The following EMILIN3 variants were observed in gnomAD, a reference collection of about 807,000 sequenced individuals.
EMILIN3 encodes the protein EMILIN-3.
EMILIN3 carries 38 observed loss-of-function variants against 42.8 expected under a neutral mutation model. That is an observed-to-expected ratio of 0.89 (90% CI 0.69 to 1.16). The LOEUF is 1.16. Ranked by LOEUF, EMILIN3 falls within the 50% of genes most tolerant of loss-of-function variation. The probability of loss-of-function intolerance (pLI) is 0.00; values close to 1 mark genes in which losing one functional copy is unlikely to be tolerated. For synonymous variants in EMILIN3, 430 were observed against 440.5 expected (o/e 0.98, Z 0.30); for missense variants, 924 against 999.5 (o/e 0.92, Z 1.02).
rs1484100764 is a variant in EMILIN3 at position 41,362,051 on chromosome 20, C to G, written c.1518G>C (p.Glu506Asp). 1 of 1,610,870 alleles carries G rather than the reference C, an allele frequency of 6.2e-7. No homozygotes were observed. The highest frequency in any genetic ancestry group is 8.5e-7 in the Non-Finnish European group (1 of 1,177,414). The change falls in exon 4 of 4, where the codon GAG becomes GAC. Residue 506 changes from glutamate to aspartate, a missense_variant. Transcript: ENST00000332312. ...CCAACCGTTGCTCTAGCACAGCCAGCTCTGTCTGTACAAGGGGCCGAGCTG... is the reference window on the plus strand; with the variant it reads ...CCAACCGTTGCTCTAGCACAGCCAGGTCTGTCTGTACAAGGGGCCGAGCTG... ...GRSARPLVQT[E>D]LAVLEQRLVS...
chr20:41,362,902 G>A lies in EMILIN3; in HGVS notation c.667C>T (p.Pro223Ser). The A allele has an allele frequency of 6.2e-7, 1 of 1,613,628 alleles. No homozygotes were observed. The highest frequency in any genetic ancestry group is 8.5e-7 in the Non-Finnish European group (1 of 1,179,774). Residue 223 changes from proline (P) to serine (S), a missense_variant, in exon 4 of 4, where the codon CCT becomes TCT. Transcript: ENST00000332312. ...TCAGGGATGACCCCAAAGCCCACAG[G>A]GACAGCAGGAGCCCTGGGGCCACCA... ...MTGGPRAPAV[P>S]VGFGVIPEGL...
At chr20:41,363,153 T>C in intron 3 of EMILIN3, 99 bp from the exon 4 acceptor site, 1 of 1,201,252 alleles carries the variant, frequency 8.3e-7, no homozygotes, top group Non-Finnish European at 1.1e-6. Flanking sequence ...CTTTTTTTTT[T>C]TTTTTGAGAC....
chr20:41,365,052 C>G lies in EMILIN3; in HGVS notation c.273G>C (p.Lys91Asn). The G allele has an allele frequency of 1.2e-6, 2 of 1,613,960 alleles. No homozygotes were observed. The highest frequency in any genetic ancestry group is 1.7e-6 in the Non-Finnish European group (2 of 1,179,922). ...GCACTTACGTGACTGTCCCGGGGCA[C>G]TTGGGCCCCCATCTACACTGCCGGT... is the stretch of plus-strand genomic sequence containing the variant. ...AEYRQCRWGPKCPGTVTYRTV... is the reference protein window; with the variant it reads ...AEYRQCRWGPNCPGTVTYRTV... Residue 91 changes from lysine (K) to asparagine (N), a missense_variant, in exon 2 of 4, where the codon AAG becomes AAC. Transcript: ENST00000332312.
chr20:41,360,380 C>T lies in EMILIN3; in HGVS notation c.*888G>A, dbSNP rs2046345137. On this transcript the variant is annotated 3_prime_UTR_variant, in exon 4 of 4. Transcript: ENST00000332312. ...CCCTGACCTCGCAGGAAGGATTTCC[C>T]CACCCCCAAGTGGAAGGAAGAGGAC... The T allele has an allele frequency of 6.6e-6, 1 of 152,306 alleles. No individual in the cohort carries two copies. The highest frequency in any genetic ancestry group is 6.5e-5 in the Admixed American group (1 of 15,274). The allele number at this position is 152,306 out of a possible 1,614,324, so 9.4% of individuals were successfully genotyped here. A position where few individuals can be genotyped will look rare whatever the true frequency, so the allele number is the denominator to read the frequency against.
chr20:41,363,581 C>T, intron 3 of EMILIN3, 57 bp downstream of exon 3: 1 of 1,511,358 alleles, frequency 6.6e-7, no homozygotes, highest in Non-Finnish European at 8.9e-7. Flanking sequence ...CTCCCTGCCC[C>T]TGCCACTGAG....
chr20:41,361,814 A>G lies in EMILIN3; in HGVS notation c.1755T>C (p.Thr585=), dbSNP rs990336019. ...GTGSSLQGEI[T]LLKVNLNSVS... ...CTGAGTTCAGATTGACCTTGAGCAGAGTGATCTCGCCTTGAAGTGAGCTGC... is the reference window on the plus strand; with the variant it reads ...CTGAGTTCAGATTGACCTTGAGCAGGGTGATCTCGCCTTGAAGTGAGCTGC... Residue 585 remains threonine, a synonymous_variant, in exon 4 of 4, where the codon ACT becomes ACC. Transcript: ENST00000332312. 1.9e-6 allele frequency: 3 copies of G among 1,613,432 alleles called. No individual in the cohort carries two copies. The highest frequency in any genetic ancestry group is 2.5e-6 in the Non-Finnish European group (3 of 1,180,036).
intron 3 of EMILIN3, 72 bp from the exon 4 acceptor site, chr20:41,363,126 C>A: frequency 7.5e-7 from 1 of 1,325,460 alleles, no homozygotes; most frequent in Non-Finnish European, 1.0e-6. Flanking sequence ...GCCAGGCCAC[C>A]CAAGAGACTT....
Position 41,362,774 on chromosome 20 carries a change from C to A in EMILIN3, c.795G>T (p.Lys265Asn), listed in dbSNP as rs374400296. Residue 265 changes from lysine to asparagine, a missense_variant, in exon 4 of 4, where the codon AAG becomes AAT. Physicochemically the swap from Lys to Asn is moderately conservative, Grantham distance 94. Transcript: ENST00000332312. ...CATGCACCTTGTCTAGAAGCTGCAC[C>A]TTGGTCTGAAGAGTGTTGCTCACCT... ...VTEVSNTLQT[K>N]VQLLDKVHGL... The A allele has an allele frequency of 1.6e-5, 26 of 1,614,102 alleles. No homozygotes were observed. Among genetic ancestry groups the A allele is most frequent in the Non-Finnish European group, 2.2e-5 (26 of 1,180,050 alleles).
intron 3 of EMILIN3, 43 bp from the exon 4 acceptor site, chr20:41,363,097 C>G (rs536066799): frequency 6.9e-7 from 1 of 1,448,934 alleles, no homozygotes; most frequent in Non-Finnish European, 9.1e-7. Flanking sequence ...CTGGCCTCAC[C>G]CTCTCAGCTT....
In EMILIN3 at chr20:41,366,388, C is replaced by A. The variant is rs2046393959; in HGVS notation, c.167+80G>T. On this transcript the variant is annotated intron_variant, in intron 1 of 3. Coordinates refer to ENST00000332312, the MANE Select transcript of EMILIN3 (RefSeq NM_052846.2). This position sits in a 1 kb window ranked among gnomAD's most constrained non-coding sequence, Gnocchi z 4.2. ...GGGTGCCCGGGGCCTCGACGCCCCC[C>A]GCGGGTGCGGGCAGGTGGGAGCGGC... 9.6e-7 allele frequency: 1 copy of A among 1,045,276 alleles called. No homozygotes were observed. Among genetic ancestry groups the A allele is most frequent in the Non-Finnish European group, 1.2e-6 (1 of 860,452 alleles). 64.8% of individuals were successfully genotyped at this position (1,045,276 alleles called of 1,614,324 possible).
rs145897278 is a variant in EMILIN3 at position 41,361,778 on chromosome 20, C to A, written c.1791G>T (p.Ser597=). The A allele has an allele frequency of 4.3e-6, 7 of 1,613,514 alleles. No individual in the cohort carries two copies. The African/African-American group carries it at 5.3e-5, about 12-fold the overall frequency. The part of the protein sequence containing the change: ...LKVNLNSVSK[S]LTGLSDSVSQ... Reference sequence around the variant, plus strand: ...TGACAGAGTCACTGAGGCCTGTGAGCGACTTGCTCACTGAGTTCAGATTGA... The same window carrying A: ...TGACAGAGTCACTGAGGCCTGTGAGAGACTTGCTCACTGAGTTCAGATTGA... Residue 597 remains serine, a synonymous_variant, in exon 4 of 4, where the codon TCG becomes TCT. Coordinates refer to ENST00000332312, the MANE Select transcript of EMILIN3 (RefSeq NM_052846.2).
Position 41,362,149 on chromosome 20 carries a change from C to T in EMILIN3, c.1420G>A (p.Val474Met), listed in dbSNP as rs774062953. The T allele has an allele frequency of 1.4e-5, 23 of 1,610,552 alleles. 1 individual carries two copies. The East Asian group carries it at 1.8e-4, about 13-fold the overall frequency. Reference sequence around the variant, plus strand: ...GCTAGGCGCTCCTCGAGGCTCTGCACGCGCTCTTCCAGCATGGTCCCAAAG... The same window carrying T: ...GCTAGGCGCTCCTCGAGGCTCTGCATGCGCTCTTCCAGCATGGTCCCAAAG... ...GGFGTMLEER[V>M]QSLEERLATL... is the part of the protein sequence containing the mutation. Residue 474 changes from valine to methionine, a missense_variant, in exon 4 of 4, where the codon GTG becomes ATG. Physicochemically the swap from Val to Met is conservative, Grantham distance 21. Transcript: ENST00000332312.
At position 41,362,103 on chromosome 20, in the gene EMILIN3, C is replaced by A; in HGVS notation, c.1466G>T (p.Ser489Ile). 1 of 1,606,322 alleles carries A rather than the reference C, an allele frequency of 6.2e-7. No individual in the cohort carries two copies. The highest frequency in any genetic ancestry group is 8.5e-7 in the Non-Finnish European group (1 of 1,174,114). ...ERLATLAGEL[S>I]HDSASPGRSA... ...CCTGCCCGGAGAGGCGCTGTCATGG[C>A]TTAGCTCCCCAGCCAATGTTGCTAG... The change falls in exon 4 of 4, where the codon AGC becomes ATC. Residue 489 changes from serine to isoleucine, a missense_variant. Ser to Ile is a moderately radical substitution (Grantham distance 142). Coordinates refer to ENST00000332312, the MANE Select transcript of EMILIN3 (RefSeq NM_052846.2).
rs1280100556 is a variant in EMILIN3 at position 41,366,438 on chromosome 20, T to A, written c.167+30A>T. Reference sequence around the variant, plus strand: ...CGACGCGCGCGGGCCCATCCCTCCCTCTTCCCGCCCGCCGCCCGCCCGCGC... The same window carrying A: ...CGACGCGCGCGGGCCCATCCCTCCCACTTCCCGCCCGCCGCCCGCCCGCGC... On this transcript the variant is annotated intron_variant, in intron 1 of 3. Transcript: ENST00000332312. The surrounding 1 kb of genome is among the most constrained non-coding windows in gnomAD (Gnocchi z 4.2). 1 of 1,108,996 alleles carries A rather than the reference T, an allele frequency of 9.0e-7. No homozygotes were observed. The highest frequency in any genetic ancestry group is 1.1e-6 in the Non-Finnish European group (1 of 910,198). 68.7% of individuals were successfully genotyped at this position (1,108,996 alleles called of 1,614,324 possible). A position where few individuals can be genotyped will look rare whatever the true frequency, so the allele number is the denominator to read the frequency against.
Position 41,362,907 on chromosome 20 carries a change from G to T in EMILIN3, c.662C>A (p.Ala221Asp). The change falls in exon 4 of 4, where the codon GCT (alanine) becomes GAT (aspartate). Residue 221 changes from alanine (A) to aspartate (D), a missense_variant. Physicochemically the swap from Ala to Asp is moderately radical, Grantham distance 126. Coordinates refer to ENST00000332312, the MANE Select transcript of EMILIN3 (RefSeq NM_052846.2). ...GATGACCCCAAAGCCCACAGGGACA[G>T]CAGGAGCCCTGGGGCCACCAGTCAT... ...NRMTGGPRAP[A>D]VPVGFGVIPE... The T allele has an allele frequency of 6.2e-7, 1 of 1,613,652 alleles. No homozygotes were observed. The highest frequency in any genetic ancestry group is 8.5e-7 in the Non-Finnish European group (1 of 1,179,770).
Position 41,366,536 on chromosome 20 carries a change from C to T in EMILIN3, c.99G>A (p.Pro33=). The part of the protein sequence containing the change: ...RGTPLLARPA[P]PGASRYSLYT... ...AGAGACTGTAGCGGGAGGCACCGGG[C>T]GGCGCAGGCCGCGCCAGGAGCGGGG... The change falls in exon 1 of 4, where the codon CCG becomes CCA. Residue 33 remains proline (P), a synonymous_variant. Transcript: ENST00000332312. This position sits in a 1 kb window ranked among gnomAD's most constrained non-coding sequence, Gnocchi z 4.2. 8.7e-7 allele frequency: 1 copy of T among 1,150,658 alleles called. No homozygotes were observed. Among genetic ancestry groups the T allele is most frequent in the Non-Finnish European group, 1.1e-6 (1 of 937,620 alleles). 71.3% of individuals were successfully genotyped at this position (1,150,658 alleles called of 1,614,324 possible).
Position 41,366,317 on chromosome 20 carries a change from G to T in EMILIN3, c.167+151C>A. 2 of 489,536 alleles carry T rather than the reference G, an allele frequency of 4.1e-6. No individual in the cohort carries two copies. Among genetic ancestry groups the T allele is most frequent in the Non-Finnish European group, 5.5e-6 (2 of 360,496 alleles). 30.3% of individuals were successfully genotyped at this position (489,536 alleles called of 1,614,324 possible). A position where few individuals can be genotyped will look rare whatever the true frequency, so the allele number is the denominator to read the frequency against. On this transcript the variant is annotated intron_variant, in intron 1 of 3. Coordinates refer to ENST00000332312, the MANE Select transcript of EMILIN3 (RefSeq NM_052846.2). The surrounding 1 kb of genome is among the most constrained non-coding windows in gnomAD (Gnocchi z 4.2). Reference sequence around the variant, plus strand: ...CCCGGAGCGTAGGGCGCTCGCCTGGGCAGGGGCTCGGCCCCGGGCGCCGCC... The same window carrying T: ...CCCGGAGCGTAGGGCGCTCGCCTGGTCAGGGGCTCGGCCCCGGGCGCCGCC...
Position 41,362,038 on chromosome 20 carries a change from C to T in EMILIN3, c.1531G>A (p.Glu511Lys), listed in dbSNP as rs201993690. ...PLVQTELAVLEQRLVSLETSC... is the reference protein window; with the variant it reads ...PLVQTELAVLKQRLVSLETSC... ...GTCTCCAGTGAGACCAACCGTTGCT[C>T]TAGCACAGCCAGCTCTGTCTGTACA... The change falls in exon 4 of 4, where the codon GAG becomes AAG. Residue 511 changes from glutamate to lysine, a missense_variant. Transcript: ENST00000332312. 1 of 1,611,216 alleles carries T rather than the reference C, an allele frequency of 6.2e-7. No homozygotes were observed. Among genetic ancestry groups the T allele is most frequent in the East Asian group, 2.2e-5 (1 of 44,770 alleles).
Position 41,360,813 on chromosome 20 carries a change from A to C in EMILIN3, c.*455T>G, listed in dbSNP as rs41278102. ...GGACTGTTGCTTGTGGGCACAGGGC[A>C]ATGCGGACAGGCCACTGGCTGTGGG... On this transcript the variant is annotated 3_prime_UTR_variant, in exon 4 of 4. Transcript: ENST00000332312. The C allele has an allele frequency of 2.9e-3, 516 of 178,970 alleles. 1 individual carries two copies. Among genetic ancestry groups the C allele is most frequent in the Admixed American group, 3.5e-3 (63 of 18,002 alleles). 11.1% of individuals were successfully genotyped at this position (178,970 alleles called of 1,614,324 possible). A position where few individuals can be genotyped will look rare whatever the true frequency, so the allele number is the denominator to read the frequency against.
Sources: allele counts gnomAD v4.1 joint callset, GRCh38; gene constraint gnomAD v4.1.1; non-coding constraint Gnocchi (gnomAD v3.1); transcripts MANE v1.5; gene names NCBI Gene and HGNC (gene_info 2026-07-23, HGNC 2026-07-21).